The following ACYP2 variants were observed in gnomAD, a reference collection of about 807,000 sequenced individuals.
ACYP2 encodes the protein acylphosphatase-2.
Under a neutral mutation model 11.2 loss-of-function variants are expected in ACYP2, and 12 were observed. The observed-to-expected ratio is 1.08, with a 90% CI of 0.69 to 1.74. The LOEUF (loss-of-function observed/expected upper bound fraction) is 1.74, where lower values mean the gene tolerates loss of function less well. Ranked by LOEUF, ACYP2 falls within the 40% of genes most tolerant of loss-of-function variation. The pLI, the probability that ACYP2 is intolerant of heterozygous loss-of-function variation, is 0.00. For missense variants in ACYP2, 134 were observed against 101.9 expected, an observed-to-expected ratio of 1.31 and a Z score of -1.35; for synonymous variants, 43 against 32.2, an observed-to-expected ratio of 1.33 and a Z score of -1.13.
intron 6 of ACYP2, among the ~76,000 whole-genome samples, chr2:54,285,853 C>T (rs1255236079): frequency 6.6e-6 from 1 of 152,176 alleles, no homozygotes; most frequent in Non-Finnish European, 1.5e-5. Flanking sequence ...CTTTAGCATC[C>T]ATCTTGGGTT....
At chr2:53,983,379 GC>G (rs1209018411) in intron 2 of ACYP2, among the ~76,000 whole-genome samples, 12 of 152,082 alleles carry the variant, frequency 7.9e-5, no homozygotes, top group African/African-American at 2.9e-4. Flanking sequence ...GGTGGCATGT[GC>G]CTGTAGTCCG....
At chr2:54,201,636 C>CTCTT (rs1553391343) in intron 6 of ACYP2, among the ~76,000 whole-genome samples, 3,233 of 93,508 alleles carry the variant, frequency 0.035, 96 homozygotes, top group Middle Eastern at 0.048. Context: ...TTCTTTCTTT[C>CTCTT]TCTTTCTTTC....
intron 2 of ACYP2, among the ~76,000 whole-genome samples, chr2:54,042,582 A>G (rs1277486865): frequency 6.6e-6 from 1 of 152,124 alleles, no homozygotes; most frequent in Non-Finnish European, 1.5e-5. Context: ...CAAACATACA[A>G]CTTTTTTTTA....
intron 6 of ACYP2, among the ~76,000 whole-genome samples, chr2:54,246,977 C>G (rs1003213617): frequency 6.6e-5 from 10 of 152,140 alleles, no homozygotes; most frequent in African/African-American, 2.2e-4. Flanking sequence ...ACACTTAAGA[C>G]CCTCTAGTCT....
chr2:54,075,128 A>G (rs1331341124), intron 4 of ACYP2, among the ~76,000 whole-genome samples: 4 of 152,220 alleles, frequency 2.6e-5, no homozygotes, highest in Non-Finnish European at 5.9e-5. Context: ...GCTATTCACA[A>G]TAAAAGTTCA....
At chr2:54,113,697 T>C (rs1459074425) in intron 4 of ACYP2, among the ~76,000 whole-genome samples, 1 of 151,970 alleles carries the variant, frequency 6.6e-6, no homozygotes, top group East Asian at 1.9e-4. Flanking sequence ...CTGAGCGGGA[T>C]AGAGGAAGAT....
At chr2:53,982,766 G>A (rs183703814) in intron 2 of ACYP2, among the ~76,000 whole-genome samples, 9 of 151,632 alleles carry the variant, frequency 5.9e-5, no homozygotes, top group Admixed American at 3.9e-4. Context: ...CGACTCAAAT[G>A]TTAAGCCTGG....
chr2:54,004,764 G>C (rs1672974190), intron 2 of ACYP2, among the ~76,000 whole-genome samples: 1 of 151,428 alleles, frequency 6.6e-6, no homozygotes. Flanking sequence ...TGAGCTTTAA[G>C]AGTTCTTTGT....
At chr2:54,043,713 A>G (rs1226948826) in intron 2 of ACYP2, among the ~76,000 whole-genome samples, 2 of 152,196 alleles carry the variant, frequency 1.3e-5, no homozygotes, top group Non-Finnish European at 2.9e-5. Flanking sequence ...GAGAACTACC[A>G]TGCTGGTTAC....
chr2:54,035,033 G>A (rs76872218), intron 2 of ACYP2, among the ~76,000 whole-genome samples: 614 of 62,886 alleles, frequency 9.8e-3, no homozygotes, highest in Non-Finnish European at 0.013. Context: ...AAAAAAAAAA[G>A]CCTAGACTCT....
chr2:54,014,445 G>A (rs957846345), intron 2 of ACYP2, among the ~76,000 whole-genome samples: 3 of 151,672 alleles, frequency 2.0e-5, no homozygotes, highest in Non-Finnish European at 4.4e-5. Flanking sequence ...TCATCCTCCC[G>A]AGTAGCTGAG....
At chr2:54,115,684 G>A (rs547913030) in intron 4 of ACYP2, 5 of 1,609,810 alleles carry the variant, frequency 3.1e-6, no homozygotes, top group African/African-American at 1.3e-5. Context: ...CCTCAACAGA[G>A]GGCTCGCCGC....
chr2:54,202,603 T>C (rs960428472), intron 6 of ACYP2, among the ~76,000 whole-genome samples: 1 of 150,670 alleles, frequency 6.6e-6, no homozygotes, highest in Non-Finnish European at 1.5e-5. Context: ...AGACAGGGTT[T>C]TGCCATGTTG....
At chr2:54,257,234 G>A (rs28607569) in intron 6 of ACYP2, among the ~76,000 whole-genome samples, 2,052 of 152,214 alleles carry the variant, frequency 0.013, 55 homozygotes, top group African/African-American at 0.047. Context: ...AAAAAAAGAG[G>A]AATCTTATCT....
intron 6 of ACYP2, among the ~76,000 whole-genome samples, chr2:54,155,073 G>A (rs1682370109): frequency 6.6e-6 from 1 of 152,082 alleles, no homozygotes; most frequent in South Asian, 2.1e-4. Context: ...TCAATTTATT[G>A]GCATATGGTT....
chr2:54,126,494 A>G (rs1419046437), intron 4 of ACYP2, among the ~76,000 whole-genome samples: 15 of 152,134 alleles, frequency 9.9e-5, no homozygotes. Context: ...GTACGTATAC[A>G]AAAAGGACAT....
chr2:54,173,393 GT>G (rs1558586925), intron 6 of ACYP2, among the ~76,000 whole-genome samples: 1 of 152,202 alleles, frequency 6.6e-6, no homozygotes, highest in East Asian at 1.9e-4. Flanking sequence ...TGATGGGGTT[GT>G]TTTTTTCTTG....
At chr2:54,253,591 A>C (rs1282640141) in intron 6 of ACYP2, 1 of 152,244 alleles carries the variant, frequency 6.6e-6, no homozygotes. Context: ...TACTAAAAAA[A>C]AGTACTTCTC....
At chr2:54,092,402 C>G (rs1286249291) in intron 4 of ACYP2, among the ~76,000 whole-genome samples, 1 of 152,204 alleles carries the variant, frequency 6.6e-6, no homozygotes, top group African/African-American at 2.4e-5. Context: ...TCTTCTTTCT[C>G]TCCTGCCCAG....
Sources: allele counts gnomAD v4.1 joint callset (sites outside exome capture counted in the v4.1 genomes callset), GRCh38; gene constraint gnomAD v4.1.1; transcripts MANE v1.5; gene names NCBI Gene and HGNC (gene_info 2026-07-23, HGNC 2026-07-21).